The following CLCN4 variants were observed in gnomAD, a reference collection of about 807,000 sequenced individuals.
CLCN4 encodes Cl-/H+ antiporter 4, also known as H(+)/Cl(-) exchange transporter 4.
In CLCN4, 1 loss-of-function variant was observed where a neutral mutation model predicts 41.7. That is an observed-to-expected ratio of 0.02 (90% CI 0.01 to 0.11). The LOEUF (loss-of-function observed/expected upper bound fraction) is 0.11. CLCN4 is among the 10% of genes least tolerant of loss of function. CLCN4 has a pLI of 1.00. For synonymous variants in CLCN4, 277 were observed against 285.8 expected, an observed-to-expected ratio of 0.97 and a Z score of 0.31; for missense variants, 287 against 661.0, an observed-to-expected ratio of 0.43 and a Z score of 6.20.
At chrX:10,226,281 C>T (rs1924987646) in intron 12 of CLCN4, among the ~76,000 whole-genome samples, 1 of 111,652 alleles carries the variant, frequency 9.0e-6, no homozygotes, top group Non-Finnish European at 1.9e-5. Context: ...GAACAACCTG[C>T]TCCTGAATGA....
At chrX:10,172,606 G>C (rs1229693317) in intron 2 of CLCN4, among the ~76,000 whole-genome samples, 1 of 110,985 alleles carries the variant, frequency 9.0e-6, no homozygotes, top group African/African-American at 3.3e-5. Flanking sequence ...CTTCCTTCCT[G>C]TGTCTGCTCA....
At chrX:10,161,964 G>A (rs1923117540) in intron 2 of CLCN4, among the ~76,000 whole-genome samples, 1 of 108,439 alleles carries the variant, frequency 9.2e-6, no homozygotes. Context: ...CGCTGACGGT[G>A]TGAGGGTGTG....
At chrX:10,176,835 G>A (rs1212248133) in intron 2 of CLCN4, among the ~76,000 whole-genome samples, 1 of 112,538 alleles carries the variant, frequency 8.9e-6, no homozygotes, top group African/African-American at 3.2e-5. Context: ...CCTGGCCACT[G>A]CTGGGCAGAG....
In CLCN4 at chrX:10,193,245, C is replaced by T. The variant is rs749089451; in HGVS notation, c.245-1666C>T. 8.3e-4 allele frequency among the ~76,000 whole-genome samples: 93 copies of T among 112,006 alleles called. 1 individual carries two copies. The highest frequency in any genetic ancestry group is 2.9e-3 in the African/African-American group (90 of 30,817). On this transcript the variant is annotated intron_variant, in intron 4 of 12. Transcript: ENST00000380833. ...GTGTGCTATTATTGATTGGTGATGT[C>T]TGCTGTGGGCATCGGAAGCTGACGG...
chrX:10,200,688 T>C (rs756705869), intron 6 of CLCN4, among the ~76,000 whole-genome samples: 58 of 111,752 alleles, frequency 5.2e-4, no homozygotes, highest in African/African-American at 1.8e-3. Context: ...TGAGGATTTG[T>C]TTCTTTTCTT....
rs145830435 is a variant in CLCN4 at position 10,224,656 on chromosome X, G to A, written c.2192+3779G>A. Among the ~76,000 whole-genome samples the A allele has an allele frequency of 5.4e-5, 6 of 111,306 alleles. No homozygotes were observed. In the East Asian group the frequency reaches 8.5e-4, roughly 16 times the overall value. ...GTGCAGTCTTGCTACATAGGTAAAC[G>A]TGTGCCATGGTGGTTTCCTGCACCT... On this transcript the variant is annotated intron_variant, in intron 12 of 12. Transcript: ENST00000380833.
At chrX:10,206,282 CAG>C in intron 6 of CLCN4, 74 bp from the exon 7 acceptor site, 1 of 767,014 alleles carries the variant, frequency 1.3e-6, no homozygotes, top group Non-Finnish European at 2.0e-6. Flanking sequence ...ACGTGTCTCT[CAG>C]AGGAATTATA....
intron 6 of CLCN4, among the ~76,000 whole-genome samples, chrX:10,205,485 A>G (rs1461412302): frequency 4.7e-5 from 5 of 107,129 alleles, no homozygotes; most frequent in Non-Finnish European, 9.6e-5. Flanking sequence ...AAAAAAAAAA[A>G]AAAAAGAAAA....
At position 10,220,651 on chromosome X, in the gene CLCN4, C is replaced by T. The variant is rs1291850416; in HGVS notation, c.1976-10C>T. On this transcript the variant is annotated splice_polypyrimidine_tract_variant and intron_variant, in intron 11 of 12. Transcript: ENST00000380833. Reference sequence around the variant, plus strand: ...TGTGTGGCTCATTGTTCCTGCTCACCCCATTCTAGAGAACGCCAGACAGAG... The same window carrying T: ...TGTGTGGCTCATTGTTCCTGCTCACTCCATTCTAGAGAACGCCAGACAGAG... 1.1e-5 allele frequency: 13 copies of T among 1,200,788 alleles called. No individual in the cohort carries two copies. Among genetic ancestry groups the T allele is most frequent in the East Asian group, 3.0e-5 (1 of 33,800 alleles).
At chrX:10,218,688 C>G (rs1924789233) in intron 11 of CLCN4, among the ~76,000 whole-genome samples, 1 of 112,546 alleles carries the variant, frequency 8.9e-6, no homozygotes, top group African/African-American at 3.2e-5. Flanking sequence ...TTTGCCTGTT[C>G]TTAGCACCTC....
rs1421487111 is a variant in CLCN4, at chrX:10,173,155, CA to C, written c.-11-11865del. On this transcript the variant is annotated intron_variant, in intron 2 of 12. Coordinates refer to ENST00000380833, the MANE Select transcript of CLCN4 (RefSeq NM_001830.4). The stretch of plus-strand genomic sequence containing the variant: ...GACCCTGCCAACCGCCAGATGAAAC[CA>C]ATCTTCCTAGAGCCTCGTGTGGTGG... Among the ~76,000 whole-genome samples, 3 of 111,555 alleles carry C rather than the reference CA, an allele frequency of 2.7e-5. No individual in the cohort carries two copies. In the East Asian group the frequency reaches 8.4e-4, roughly 31 times the overall value.
At chrX:10,204,184 G>T (rs368316119) in intron 6 of CLCN4, among the ~76,000 whole-genome samples, 4 of 112,013 alleles carry the variant, frequency 3.6e-5, no homozygotes, top group African/African-American at 1.3e-4. Context: ...TAGGCACCCA[G>T]TTGAATTCTA....
In CLCN4 at chrX:10,236,213, G is replaced by T. The variant is rs963937085; in HGVS notation, c.*2629G>T. The T allele has an allele frequency of 1.8e-5, 2 of 111,738 alleles. No individual in the cohort carries two copies. The highest frequency in any genetic ancestry group is 6.5e-5 in the African/African-American group (2 of 30,662). 9.2% of individuals were successfully genotyped at this position (111,738 alleles called of 1,213,427 possible). On this transcript the variant is annotated 3_prime_UTR_variant, in exon 13 of 13. Transcript: ENST00000380833. ...TCTAATCTGGCTGAGGCCATGGGGG[G>T]GAATGAGGGGAAATTATGCTTCCGG...
chrX:10,211,077 C>G (rs111616634), intron 9 of CLCN4, among the ~76,000 whole-genome samples: 4,479 of 103,693 alleles, frequency 0.043, 225 homozygotes, highest in African/African-American at 0.14. Flanking sequence ...ACCAGCCTGG[C>G]TAATATAGTG....
chrX:10,180,336 G>A (rs1923642476), intron 2 of CLCN4, among the ~76,000 whole-genome samples: 1 of 111,546 alleles, frequency 9.0e-6, no homozygotes, highest in Admixed American at 9.5e-5. Flanking sequence ...GGGATTTTGT[G>A]ACTGCCTCAA....
chrX:10,165,141 C>T (rs1289861284), intron 2 of CLCN4, among the ~76,000 whole-genome samples: 1 of 113,235 alleles, frequency 8.8e-6, no homozygotes, highest in Non-Finnish European at 1.9e-5. Context: ...GCTGGCTTGC[C>T]ATCTTCACAC....
At chrX:10,220,943 C>T in intron 12 of CLCN4, 66 bp downstream of exon 12, 4 of 945,016 alleles carry the variant, frequency 4.2e-6, no homozygotes, top group Non-Finnish European at 4.6e-6. Context: ...ATGGTCTCAG[C>T]CCTGAAGAAT....
At chrX:10,185,679 G>A (rs922031607) in intron 3 of CLCN4, among the ~76,000 whole-genome samples, 1 of 111,370 alleles carries the variant, frequency 9.0e-6, no homozygotes, top group Non-Finnish European at 1.9e-5. Flanking sequence ...GCAGAGGAAC[G>A]GTGAGGATTC....
intron 6 of CLCN4, among the ~76,000 whole-genome samples, chrX:10,202,531 C>G (rs910478255): frequency 9.7e-6 from 1 of 103,118 alleles, no homozygotes; most frequent in African/African-American, 3.5e-5. Context: ...CCCAGCTACT[C>G]TGGGGACTGA....
Sources: allele counts gnomAD v4.1 joint callset (sites outside exome capture counted in the v4.1 genomes callset), GRCh38; gene constraint gnomAD v4.1.1; transcripts MANE v1.5; gene names NCBI Gene and HGNC (gene_info 2026-07-23, HGNC 2026-07-21).